The following ASIC2 variants were observed in gnomAD, a reference collection of about 807,000 sequenced individuals.
ASIC2 encodes acid sensing ion channel subunit 2.
In ASIC2, 25 loss-of-function variants were observed where a neutral mutation model predicts 57.3. The ratio of observed to expected loss-of-function variants is 0.44; its 90% CI spans 0.32 to 0.61. ASIC2 has a LOEUF of 0.61. ASIC2 is among the 20% of genes least tolerant of loss of function. The pLI is 0.06. For synonymous variants in ASIC2, 319 were observed against 307.5 expected, an observed-to-expected ratio of 1.04 and a Z score of -0.39; for missense variants, 641 against 738.1, an observed-to-expected ratio of 0.87 and a Z score of 1.52.
At chr17:33,263,754 GC>G (rs57429004) in intron 1 of ASIC2, among the ~76,000 whole-genome samples, 52,517 of 152,118 alleles carry the variant, frequency 0.35, 9,183 homozygotes, top group South Asian at 0.43. Context: ...TGAAAGGGGG[GC>G]CCACCCGCTG....
chr17:33,663,343 T>C (rs2142046572), intron 1 of ASIC2, among the ~76,000 whole-genome samples: 1 of 152,318 alleles, frequency 6.6e-6, no homozygotes, highest in South Asian at 2.1e-4. Context: ...TAAATAGTAG[T>C]TTCTCAGTAT....
chr17:34,085,879 G>A (rs1354118039), intron 1 of ASIC2, among the ~76,000 whole-genome samples: 3 of 151,578 alleles, frequency 2.0e-5, no homozygotes, highest in East Asian at 1.9e-4. Flanking sequence ...GGGATCGGTG[G>A]TGACATCCCC....
intron 1 of ASIC2, among the ~76,000 whole-genome samples, chr17:33,783,086 C>T (rs1911506234): frequency 1.3e-5 from 2 of 152,210 alleles, no homozygotes; most frequent in Non-Finnish European, 2.9e-5. Context: ...TACATTACTC[C>T]TTTTCACCCC....
At position 33,168,948 on chromosome 17, in the gene ASIC2, C is replaced by T. The variant is rs115294111; in HGVS notation, c.709-56881G>A. ...AAAAGATAGGTGCTATTCATCAAGA[C>T]AATGGGAAAAAGACCCCAAAGGCAT... is the stretch of plus-strand genomic sequence containing the variant. On this transcript the variant is annotated intron_variant, in intron 1 of 9. Coordinates refer to ENST00000225823, the MANE Select transcript of ASIC2 (RefSeq NM_183377.2). Among the ~76,000 whole-genome samples, 721 of 152,244 alleles carry T rather than the reference C, an allele frequency of 4.7e-3. 6 individuals are homozygous for T. The highest frequency in any genetic ancestry group is 0.016 in the African/African-American group (677 of 41,536).
At chr17:33,802,238 C>G (rs1912152390) in intron 1 of ASIC2, among the ~76,000 whole-genome samples, 1 of 152,118 alleles carries the variant, frequency 6.6e-6, no homozygotes, top group African/African-American at 2.4e-5. Flanking sequence ...CTAGTGTATT[C>G]AGTACAGTAA....
chr17:33,986,842 C>T (rs1395996595), intron 1 of ASIC2, among the ~76,000 whole-genome samples: 2 of 152,118 alleles, frequency 1.3e-5, no homozygotes, highest in Non-Finnish European at 2.9e-5. Context: ...GTCTGCCATG[C>T]CTTGAAGCTC....
At chr17:33,808,396 T>C (rs1912327843) in intron 1 of ASIC2, among the ~76,000 whole-genome samples, 2 of 152,258 alleles carry the variant, frequency 1.3e-5, no homozygotes, top group Admixed American at 1.3e-4. Context: ...GTCTATTCTT[T>C]TGCCAATACC....
At chr17:33,599,231 C>T (rs777497481) in intron 1 of ASIC2, among the ~76,000 whole-genome samples, 1 of 152,184 alleles carries the variant, frequency 6.6e-6, no homozygotes, top group Non-Finnish European at 1.5e-5. Context: ...CTAGAGGAAG[C>T]TGTGCTTGCT....
In ASIC2 at chr17:33,845,573, A is replaced by T. The variant is rs317388; in HGVS notation, c.555+310405T>A. Among the ~76,000 whole-genome samples, 1,272 of 152,180 alleles carry T rather than the reference A, an allele frequency of 8.4e-3. 58 individuals are homozygous for T. Among genetic ancestry groups the T allele is most frequent in the Admixed American group, 0.076 (1,155 of 15,276 alleles). The stretch of plus-strand genomic sequence containing the variant: ...TGTTCATTGAATCTCTCTAAGTCTC[A>T]ATTTTCCAAGTTGAGAAATGGCGAT... On this transcript the variant is annotated intron_variant, in intron 1 of 9. Coordinates refer to the ASIC2 transcript ENST00000359872.
At position 33,054,902 on chromosome 17, in the gene ASIC2, G is replaced by A. The variant is rs57126059; in HGVS notation, c.988-26510C>T. ...AGGGCGTGATGTAGGGCGGGCAGGG[G>A]GAATTCTCAACACATTTCATGCCAC... On this transcript the variant is annotated intron_variant, in intron 3 of 9. Transcript: ENST00000225823. 4.5e-3 allele frequency among the ~76,000 whole-genome samples: 684 copies of A among 152,220 alleles called. 5 individuals are homozygous for A. The highest frequency in any genetic ancestry group is 0.015 in the African/African-American group (639 of 41,538).
At chr17:33,455,383 T>C (rs1202116129) in intron 1 of ASIC2, among the ~76,000 whole-genome samples, 1 of 152,196 alleles carries the variant, frequency 6.6e-6, no homozygotes, top group Non-Finnish European at 1.5e-5. Flanking sequence ...ATTGTTCCAG[T>C]CTTTACATCC....
At chr17:34,007,668 C>A (rs1368755956) in intron 1 of ASIC2, among the ~76,000 whole-genome samples, 2 of 152,208 alleles carry the variant, frequency 1.3e-5, no homozygotes, top group East Asian at 3.8e-4. Context: ...GTGCTCTTTT[C>A]AGCATTCTGT....
At chr17:33,852,149 C>A (rs572328523) in intron 1 of ASIC2, among the ~76,000 whole-genome samples, 2 of 152,258 alleles carry the variant, frequency 1.3e-5, no homozygotes, top group African/African-American at 4.8e-5. Flanking sequence ...TGGGGCCCAG[C>A]ATCTATCCAT....
Position 33,257,657 on chromosome 17 carries a change from C to A in ASIC2, c.708+33751G>T, listed in dbSNP as rs917865021. On this transcript the variant is annotated intron_variant, in intron 1 of 9. Transcript: ENST00000225823. ...AGAGTTGAGGGCTGGGCTCTCCATG[C>A]ACACAACCTAGCCCTTCCTTCTCAG... 2.6e-5 allele frequency among the ~76,000 whole-genome samples: 4 copies of A among 152,182 alleles called. No individual in the cohort carries two copies. The South Asian group carries it at 8.3e-4, about 32-fold the overall frequency.
chr17:33,678,858 C>T (rs568041714), intron 1 of ASIC2, among the ~76,000 whole-genome samples: 1 of 152,288 alleles, frequency 6.6e-6, no homozygotes, highest in Admixed American at 6.5e-5. Context: ...TTGTGATTCA[C>T]TACCACCCTG....
intron 1 of ASIC2, among the ~76,000 whole-genome samples, chr17:33,719,608 G>T (rs1909326049): frequency 6.6e-6 from 1 of 152,210 alleles, no homozygotes; most frequent in African/African-American, 2.4e-5. Flanking sequence ...CGTGAGAGGT[G>T]GCCTTGTACA....
At chr17:33,207,928 C>G (rs1045774346) in intron 1 of ASIC2, among the ~76,000 whole-genome samples, 1 of 152,214 alleles carries the variant, frequency 6.6e-6, no homozygotes, top group Non-Finnish European at 1.5e-5. Flanking sequence ...GGTTGTTTTT[C>G]TTACCTGTCT....
chr17:33,013,683 G>T lies in ASIC2; in HGVS notation c.*282C>A. On this transcript the variant is annotated 3_prime_UTR_variant, in exon 10 of 10. Transcript: ENST00000225823. ...GCGCCACAAGAAGTCTGAGCATGCA[G>T]GTGCTTTATACATCTGGCAGTGAGA... 2.2e-6 allele frequency: 1 copy of T among 450,936 alleles called. No individual in the cohort carries two copies. Among genetic ancestry groups the T allele is most frequent in the Non-Finnish European group, 4.1e-6 (1 of 246,364 alleles). 27.9% of individuals were successfully genotyped at this position (450,936 alleles called of 1,614,324 possible).
At position 33,014,015 on chromosome 17, in the gene ASIC2, TCA is replaced by T. The variant is rs1202419117; in HGVS notation, c.1640_1641del (p.Val547GlufsTer63). 1 of 1,605,994 alleles carries T rather than the reference TCA, an allele frequency of 6.2e-7. No homozygotes were observed. ...CCCAGGGTCGTCTGCAGGGGCACGT[TCA>T]CAGTGTGACTGATGGTTTCAGAGTG... ...PNHSETISHT[V>X]NVPLQTTLGT... On this transcript the variant is annotated frameshift_variant, in exon 10 of 10. Transcript: ENST00000225823. LOFTEE classifies it high-confidence loss of function.
Sources: gnomAD v4.1 joint callset for allele counts (sites outside exome capture counted in the v4.1 genomes callset) on GRCh38, gnomAD v4.1.1 for gene constraint, MANE v1.5 for transcripts, NCBI Gene and HGNC (gene_info 2026-07-23, HGNC 2026-07-21) for gene names.